The following CIB4 variants were observed in gnomAD, a reference collection of about 807,000 sequenced individuals.
CIB4 encodes the protein calcium and integrin binding family member 4.
CIB4 carries 25 observed loss-of-function variants against 25.8 expected under a neutral mutation model. The ratio of observed to expected loss-of-function variants is 0.97; its 90% CI spans 0.71 to 1.35. The LOEUF (loss-of-function observed/expected upper bound fraction) is 1.35, where lower values mean the gene tolerates loss of function less well. Ranked by LOEUF, CIB4 falls within the 40% of genes most tolerant of loss-of-function variation. CIB4 has a pLI of 0.00. For synonymous variants in CIB4, 75 were observed against 81.4 expected, an observed-to-expected ratio of 0.92 and a Z score of 0.42; for missense variants, 235 against 228.2, an observed-to-expected ratio of 1.03 and a Z score of -0.19.
intron 4 of CIB4, among the ~76,000 whole-genome samples, chr2:26,591,242 G>C (rs994327310): frequency 6.6e-6 from 1 of 152,192 alleles, no homozygotes; most frequent in Non-Finnish European, 1.5e-5. Flanking sequence ...GGCAAGGCTG[G>C]TCACCTATCC....
chr2:26,593,297 T>C (rs1260815239), intron 4 of CIB4, among the ~76,000 whole-genome samples: 2 of 151,816 alleles, frequency 1.3e-5, no homozygotes, highest in East Asian at 3.9e-4. Context: ...TAGATATATA[T>C]GTAGAGATAT....
At chr2:26,630,466 G>A (rs577661060) in intron 2 of CIB4, among the ~76,000 whole-genome samples, 1 of 152,184 alleles carries the variant, frequency 6.6e-6, no homozygotes, top group African/African-American at 2.4e-5. Flanking sequence ...CTGGATAAGG[G>A]ACAAGAATGA....
At chr2:26,607,514 A>G (rs1432316040) in intron 3 of CIB4, among the ~76,000 whole-genome samples, 1 of 152,192 alleles carries the variant, frequency 6.6e-6, no homozygotes, top group Non-Finnish European at 1.5e-5. Flanking sequence ...CAATATTCAA[A>G]TTCCTAGATA....
In CIB4 at chr2:26,589,079, T is replaced by TC. The variant is rs1558554953; in HGVS notation, c.329-5182dup. On this transcript the variant is annotated intron_variant, in intron 4 of 6. Coordinates refer to ENST00000288861, the MANE Select transcript of CIB4 (RefSeq NM_001029881.3). ...TTCTTCCTCTTCCTCTTCCTCTTCT[T>TC]CTTCTTCTTCTTCTTCTTCTTCTTC... Among the ~76,000 whole-genome samples the TC allele has an allele frequency of 9.2e-5, 7 of 76,012 alleles. 1 individual carries two copies. The highest frequency in any genetic ancestry group is 5.5e-4 in the African/African-American group (7 of 12,822). 49.9% of individuals were successfully genotyped at this position (76,012 alleles called of 152,430 possible).
At chr2:26,609,421 G>A (rs1030489359) in intron 3 of CIB4, among the ~76,000 whole-genome samples, 2 of 152,156 alleles carry the variant, frequency 1.3e-5, no homozygotes, top group African/African-American at 2.4e-5. Flanking sequence ...GGTGCTGACC[G>A]AAATTCACAC....
At chr2:26,598,115 C>A (rs1189535889) in intron 3 of CIB4, among the ~76,000 whole-genome samples, 3 of 151,966 alleles carry the variant, frequency 2.0e-5, no homozygotes, top group African/African-American at 7.3e-5. Context: ...GCCTGGCCAA[C>A]ATGACGAAAC....
At chr2:26,623,674 G>A in intron 3 of CIB4, 1 of 406,856 alleles carries the variant, frequency 2.5e-6, no homozygotes, top group Non-Finnish European at 5.2e-6. Context: ...AATGTAGCAG[G>A]GGCGGGTCTA....
At chr2:26,634,555 G>A (rs545242168) in intron 2 of CIB4, among the ~76,000 whole-genome samples, 2 of 152,302 alleles carry the variant, frequency 1.3e-5, no homozygotes, top group South Asian at 4.1e-4. Context: ...GTGAGATTAG[G>A]TTCTATTTCC....
At chr2:26,597,502 A>T (rs2148199164) in intron 3 of CIB4, among the ~76,000 whole-genome samples, 1 of 152,256 alleles carries the variant, frequency 6.6e-6, no homozygotes, top group South Asian at 2.1e-4. Context: ...ATTTCAAAGA[A>T]TAATGAAGCA....
At chr2:26,581,452 C>A in intron 6 of CIB4, 59 bp from the exon 7 acceptor site, 6 of 1,548,800 alleles carry the variant, frequency 3.9e-6, no homozygotes, top group Non-Finnish European at 5.3e-6. Flanking sequence ...CCCTCTGACT[C>A]CTGGGTTCAC....
At chr2:26,620,425 GCC>G (rs2148217253) in intron 3 of CIB4, among the ~76,000 whole-genome samples, 1 of 152,218 alleles carries the variant, frequency 6.6e-6, no homozygotes, top group South Asian at 2.1e-4. Flanking sequence ...CCCATCCCCA[GCC>G]CCTGCAAAAG....
intron 6 of CIB4, among the ~76,000 whole-genome samples, chr2:26,582,250 G>A (rs755756598): frequency 1.3e-5 from 2 of 152,334 alleles, no homozygotes; most frequent in Middle Eastern, 3.4e-3. Context: ...GTCCTCCATG[G>A]CACGCGCTGC....
chr2:26,604,386 A>G (rs536936895), intron 3 of CIB4, among the ~76,000 whole-genome samples: 7 of 152,286 alleles, frequency 4.6e-5, no homozygotes, highest in South Asian at 2.1e-4. Flanking sequence ...TTTAAAAAAT[A>G]TAAATAAAAA....
chr2:26,625,537 A>T (rs751889511), intron 3 of CIB4, among the ~76,000 whole-genome samples: 1 of 152,104 alleles, frequency 6.6e-6, no homozygotes, highest in Non-Finnish European at 1.5e-5. Flanking sequence ...TTTTTAGTAG[A>T]GACGGGGTTT....
At chr2:26,613,805 A>C (rs1339699459) in intron 3 of CIB4, among the ~76,000 whole-genome samples, 1 of 152,202 alleles carries the variant, frequency 6.6e-6, no homozygotes, top group African/African-American at 2.4e-5. Context: ...TAAGAGGAGA[A>C]GGAATGTCCT....
At chr2:26,615,431 G>A (rs1669073752) in intron 3 of CIB4, among the ~76,000 whole-genome samples, 1 of 152,130 alleles carries the variant, frequency 6.6e-6, no homozygotes, top group Non-Finnish European at 1.5e-5. Flanking sequence ...CATCCCTACA[G>A]GCTCCCTTCA....
At chr2:26,586,750 C>T (rs751968612) in intron 4 of CIB4, among the ~76,000 whole-genome samples, 12 of 152,170 alleles carry the variant, frequency 7.9e-5, no homozygotes, top group African/African-American at 2.7e-4. Context: ...TGCAATAAAG[C>T]GCCAATCTTT....
At chr2:26,605,464 A>C (rs1450841577) in intron 3 of CIB4, 1 of 470,156 alleles carries the variant, frequency 2.1e-6, no homozygotes. Flanking sequence ...ACCCACGGTG[A>C]CTTGGACGCC....
chr2:26,593,901 T>G (rs1366336457), intron 4 of CIB4, among the ~76,000 whole-genome samples: 2 of 152,312 alleles, frequency 1.3e-5, no homozygotes, highest in African/African-American at 4.8e-5. Context: ...CACACAACAT[T>G]TGGACTCCCT....
Sources: allele counts gnomAD v4.1 joint callset (sites outside exome capture counted in the v4.1 genomes callset), GRCh38; gene constraint gnomAD v4.1.1; transcripts MANE v1.5; gene names NCBI Gene and HGNC (gene_info 2026-07-23, HGNC 2026-07-21).